The following FN1 variants were observed in gnomAD, a reference collection of about 807,000 sequenced individuals.
FN1 encodes the protein fibronectin.
FN1 carries 106 observed loss-of-function variants against 297.3 expected under a neutral mutation model. That is an observed-to-expected ratio of 0.36 (90% CI 0.30 to 0.42). The LOEUF (loss-of-function observed/expected upper bound fraction) is 0.42, where lower values mean the gene tolerates loss of function less well. FN1 is among the 10% of genes least tolerant of loss of function. The pLI, the probability that FN1 is intolerant of heterozygous loss-of-function variation, is 1.00. For synonymous variants in FN1, 1,149 were observed against 1,152.6 expected, an observed-to-expected ratio of 1.00 and a Z score of 0.06; for missense variants, 2,690 against 3,124.9, an observed-to-expected ratio of 0.86 and a Z score of 3.32.
rs952261434 is a variant in FN1 at position 215,364,515 on chromosome 2, C to T, written c.7251+364G>A. On this transcript the variant is annotated intron_variant, in intron 44 of 45. Coordinates refer to ENST00000354785, the MANE Select transcript of FN1 (RefSeq NM_212482.4). Reference sequence around the variant, plus strand: ...TACCACTAATTAATTTGAATAGTATCTCTGCTTCACTATTTTTCAGTGTAA... The same window carrying T: ...TACCACTAATTAATTTGAATAGTATTTCTGCTTCACTATTTTTCAGTGTAA... 8 of 342,062 alleles carry T rather than the reference C, an allele frequency of 2.3e-5. No homozygotes were observed. The Admixed American group carries it at 2.9e-4, about 12-fold the overall frequency. 21.2% of individuals were successfully genotyped at this position (342,062 alleles called of 1,614,324 possible).
Position 215,391,822 on chromosome 2 carries a change from C to T in FN1, c.4070-8G>A, listed in dbSNP as rs768272940. On this transcript the variant is annotated splice_polypyrimidine_tract_variant and splice_region_variant and intron_variant, in intron 25 of 45. Transcript: ENST00000354785. Reference sequence around the variant, plus strand: ...CAGTGGGAGGAGGAACAGCTGGTTTCGAACAAGAAGGAAGACTCAGTTAAT... The same window carrying T: ...CAGTGGGAGGAGGAACAGCTGGTTTTGAACAAGAAGGAAGACTCAGTTAAT... 1.8e-5 allele frequency: 29 copies of T among 1,613,406 alleles called. No homozygotes were observed. Among genetic ancestry groups the T allele is most frequent in the Admixed American group, 1.7e-5 (1 of 59,964 alleles).
intron 26 of FN1, among the ~76,000 whole-genome samples, chr2:215,390,246 C>T (rs1051915914): frequency 1.3e-5 from 2 of 152,160 alleles, no homozygotes; most frequent in Admixed American, 1.3e-4. Flanking sequence ...TGCAGTGGCA[C>T]GATCATGGCT....
intron 32 of FN1, chr2:215,381,646 G>A (rs914556150): frequency 9.8e-6 from 2 of 204,462 alleles, no homozygotes; most frequent in East Asian, 2.7e-4. Context: ...GCTAATTTTT[G>A]TATTTTTAGT....
At chr2:215,368,778 A>G (rs527761290) in intron 41 of FN1, among the ~76,000 whole-genome samples, 3 of 152,314 alleles carry the variant, frequency 2.0e-5, no homozygotes, top group Non-Finnish European at 4.4e-5. Flanking sequence ...TGATTTAGGA[A>G]TAAGTAAGGG....
In FN1 at chr2:215,428,356, C is replaced by T; in HGVS notation, c.686-18G>A. On this transcript the variant is annotated intron_variant, in intron 5 of 45. Transcript: ENST00000354785. ...GCATCTATCTGTGTCACAAAGGAAG[C>T]ACATACATACATCAGGTCGAGAGTC... The T allele has an allele frequency of 1.2e-6, 2 of 1,612,752 alleles. No homozygotes were observed. Among genetic ancestry groups the T allele is most frequent in the South Asian group, 1.1e-5 (1 of 91,068 alleles).
At chr2:215,370,510 C>G in intron 40 of FN1, 78 bp from the exon 41 acceptor site, 2 of 1,209,178 alleles carry the variant, frequency 1.7e-6, no homozygotes, top group Non-Finnish European at 2.4e-6. Flanking sequence ...TTACCAATAA[C>G]CCTCACTGTT....
chr2:215,379,618 C>G, intron 33 of FN1: 1 of 308,094 alleles, frequency 3.2e-6, no homozygotes, highest in Non-Finnish European at 6.1e-6. Context: ...AAAAAAGTTA[C>G]ATTGGCTTAT....
intron 38 of FN1, among the ~76,000 whole-genome samples, chr2:215,374,613 G>A (rs2056912374): frequency 6.6e-6 from 1 of 152,232 alleles, no homozygotes; most frequent in African/African-American, 2.4e-5. Flanking sequence ...ATGCGGAACT[G>A]TGAGTCAATT....
In FN1 at chr2:215,391,741, G is replaced by A. The variant is rs767010734; in HGVS notation, c.4143C>T (p.Pro1381=). The change falls in exon 26 of 46, where the codon CCC becomes CCT. Residue 1381 remains proline (P), a synonymous_variant. Coordinates refer to ENST00000354785, the MANE Select transcript of FN1 (RefSeq NM_212482.4). ...PDTMRVTWAP[P]PSIDLTNFLV... ...GGAAGTTGGTTAAATCAATGGATGG[G>A]GGTGGAGCCCAGGTGACACGCATGG... 1.9e-6 allele frequency: 3 copies of A among 1,614,140 alleles called. No homozygotes were observed. The highest frequency in any genetic ancestry group is 4.5e-5 in the East Asian group (2 of 44,878).
Position 215,428,195 on chromosome 2 carries a change from G to T in FN1, c.829C>A (p.Gln277Lys), listed in dbSNP as rs1013273435. The change falls in exon 6 of 46, where the codon CAG (glutamine) becomes AAG (lysine). Residue 277 changes from glutamine to lysine, a missense_variant. Gln to Lys is a moderately conservative substitution (Grantham distance 53, BLOSUM62 1). Coordinates refer to ENST00000354785, the MANE Select transcript of FN1 (RefSeq NM_212482.4). ...EWKCERHTSV[Q>K]TTSSGSGPFT... ...TGTGCCTCACCGCTCGATGTGGTCT[G>T]CACAGAGGTGTGCCTCTCACACTTC... is the stretch of plus-strand genomic sequence containing the variant. 6.2e-7 allele frequency: 1 copy of T among 1,614,116 alleles called. No homozygotes were observed. Among genetic ancestry groups the T allele is most frequent in the African/African-American group, 1.3e-5 (1 of 75,058 alleles).
chr2:215,368,394 T>C (rs1192699942), intron 41 of FN1, among the ~76,000 whole-genome samples: 1 of 152,220 alleles, frequency 6.6e-6, no homozygotes, highest in African/African-American at 2.4e-5. Flanking sequence ...CTGAGTGACC[T>C]TGGGCCAGCT....
Position 215,422,146 on chromosome 2 carries a change from C to A in FN1, c.1491G>T (p.Thr497=). ...ATTCCCCACGACCATTCCCAACACA[C>A]GTGCACCTCATCATGTGACCCATGT... ...QHDMGHMMRC[T]CVGNGRGEWT... The change falls in exon 10 of 46, where the codon ACG becomes ACT. Residue 497 remains threonine (T), a synonymous_variant. Transcript: ENST00000354785. 1 of 1,614,180 alleles carries A rather than the reference C, an allele frequency of 6.2e-7. No individual in the cohort carries two copies. The highest frequency in any genetic ancestry group is 8.5e-7 in the Non-Finnish European group (1 of 1,180,004).
intron 31 of FN1, 36 bp downstream of exon 31, chr2:215,383,292 G>A: frequency 6.2e-7 from 1 of 1,610,154 alleles, no homozygotes; most frequent in Non-Finnish European, 8.5e-7. Context: ...ATAGGAGTGA[G>A]CCACCGCACC....
rs1464419190 is a variant in FN1, at chr2:215,372,214, C to T, written c.6409G>A (p.Val2137Ile). The part of the protein sequence containing the change: ...LPGTSGQQPS[V>I]GQQMIFEEHG... ...TCCTCAAAGATCATTTGTTGCCCAA[C>T]ACTGGGTTGCTGACCAGAAGTGCCA... Residue 2137 changes from valine (V) to isoleucine (I), a missense_variant, in exon 40 of 46, where the codon GTT (valine) becomes ATT (isoleucine). Val to Ile is a conservative substitution (Grantham distance 29, BLOSUM62 3). Around this residue, in one of 3 missense-constraint regions of FN1, gnomAD observed 1,743 missense variants for 1,945.2 expected, o/e 0.90. Coordinates refer to ENST00000354785, the MANE Select transcript of FN1 (RefSeq NM_212482.4). 6 of 1,614,092 alleles carry T rather than the reference C, an allele frequency of 3.7e-6. No homozygotes were observed. Among genetic ancestry groups the T allele is most frequent in the African/African-American group, 2.7e-5 (2 of 74,924 alleles).
intron 7 of FN1, 81 bp downstream of exon 7, chr2:215,425,013 G>T: frequency 7.9e-7 from 1 of 1,273,394 alleles, no homozygotes. Context: ...TTGTTTTATT[G>T]TTTCACATTG....
At chr2:215,420,237 G>A (rs1040112123) in intron 11 of FN1, among the ~76,000 whole-genome samples, 1 of 152,128 alleles carries the variant, frequency 6.6e-6, no homozygotes, top group Admixed American at 6.5e-5. Context: ...TACTCAGGAG[G>A]CTGAGGCAGC....
rs72346185 is a variant in FN1 at position 215,407,954 on chromosome 2, CCACA to C, written c.2518+150_2518+153del. 0.3 allele frequency among the ~76,000 whole-genome samples: 40,103 copies of C among 132,956 alleles called. 7,078 individuals are homozygous for C. Among genetic ancestry groups the C allele is most frequent in the East Asian group, 0.93 (4,139 of 4,468 alleles). The allele number at this position is 132,956 out of a possible 152,430, so 87.2% of individuals were successfully genotyped here. ...ATAGAAAATAACTCCCCCACCCCCGCCACACACACACACACACACACACACAAAC... is the reference window on the plus strand; with the variant it reads ...ATAGAAAATAACTCCCCCACCCCCGCCACACACACACACACACACACAAAC... On this transcript the variant is annotated intron_variant, in intron 17 of 45. Transcript: ENST00000354785.
intron 10 of FN1, 32 bp from the exon 11 acceptor site, chr2:215,420,833 CTT>C (rs764001980): frequency 1.2e-6 from 2 of 1,611,590 alleles, no homozygotes; most frequent in South Asian, 2.2e-5. Flanking sequence ...GAGTGAGAAA[CTT>C]TTTAAAGTTC....
chr2:215,394,444 C>A, intron 24 of FN1, 84 bp downstream of exon 24: 1 of 1,160,508 alleles, frequency 8.6e-7, no homozygotes, highest in Non-Finnish European at 1.3e-6. Context: ...TAGTTGACAC[C>A]CTTAAGCATC....
Sources: allele counts gnomAD v4.1 joint callset (sites outside exome capture counted in the v4.1 genomes callset), GRCh38; gene constraint gnomAD v4.1.1; regional missense constraint gnomAD v4.1.1; transcripts MANE v1.5; gene names NCBI Gene and HGNC (gene_info 2026-07-23, HGNC 2026-07-21).